The following MROH2B variants were observed in gnomAD, a reference collection of about 807,000 sequenced individuals.
The protein encoded by MROH2B is maestro heat like repeat family member 2B.
MROH2B carries 177 observed loss-of-function variants against 208.6 expected under a neutral mutation model. The observed-to-expected ratio is 0.85, with a 90% confidence interval of 0.75 to 0.96. The LOEUF (loss-of-function observed/expected upper bound fraction) is 0.96. Ranked by LOEUF, MROH2B falls within the 40% of genes least tolerant of loss-of-function variation. The probability of loss-of-function intolerance (pLI) is 0.00; values close to 1 mark genes in which losing one functional copy is unlikely to be tolerated. For synonymous variants in MROH2B, 728 were observed against 659.0 expected, an observed-to-expected ratio of 1.10 and a Z score of -1.60; for missense variants, 2,002 against 1,878.7, an observed-to-expected ratio of 1.07 and a Z score of -1.21.
chr5:41,010,123 C>T (rs781739608), intron 30 of MROH2B, 44 bp from the exon 31 acceptor site: 15 of 1,597,856 alleles, frequency 9.4e-6, no homozygotes, highest in Non-Finnish European at 1.3e-5. Flanking sequence ...TGCCATTTTC[C>T]CTCTATGTGA....
chr5:41,067,122 T>C lies in MROH2B; in HGVS notation c.187A>G (p.Met63Val). The C allele has an allele frequency of 6.4e-7, 1 of 1,550,396 alleles. No individual in the cohort carries two copies. Among genetic ancestry groups the C allele is most frequent in the Non-Finnish European group, 8.7e-7 (1 of 1,144,902 alleles). ...QRLIYYASKD[M>V]RDNNMLREIR... ...ACCAAACTTACATTGTTGTCTCTCA[T>C]ATCCTTAGAAGCATAATAAATCAAT... The change falls in exon 3 of 42, where the codon ATG becomes GTG. Residue 63 changes from methionine (M) to valine (V), a missense_variant. By Grantham distance (21) the Met-to-Val change is conservative. Coordinates refer to ENST00000399564, the MANE Select transcript of MROH2B (RefSeq NM_173489.5).
At chr5:41,001,763 G>T (rs1301877746) in intron 37 of MROH2B, among the ~76,000 whole-genome samples, 1 of 152,004 alleles carries the variant, frequency 6.6e-6, no homozygotes, top group Non-Finnish European at 1.5e-5. Context: ...GGTGGTGGTG[G>T]AGGAAGATGG....
At position 41,018,959 on chromosome 5, in the gene MROH2B, C is replaced by T. The variant is rs199943039; in HGVS notation, c.2501G>A (p.Arg834Gln). 1.6e-5 allele frequency: 26 copies of T among 1,613,636 alleles called. No homozygotes were observed. Among genetic ancestry groups the T allele is most frequent in the East Asian group, 4.5e-5 (2 of 44,894 alleles). The change falls in exon 25 of 42, where the codon CGG becomes CAG. Residue 834 changes from arginine (R) to glutamine (Q), a missense_variant. By Grantham distance (43) the Arg-to-Gln change is conservative. Transcript: ENST00000399564. ...CAGAGGTGGAAGGGGCAGCAGCCTC[C>T]GAATATTCTCCTCAAGAATGTTAAG... is the stretch of plus-strand genomic sequence containing the variant. ...DHLNILEENI[R>Q]RLLPLPPLEN...
chr5:41,045,330 A>G (rs1743082618), intron 18 of MROH2B, among the ~76,000 whole-genome samples: 2 of 152,048 alleles, frequency 1.3e-5, no homozygotes, highest in Non-Finnish European at 2.9e-5. Flanking sequence ...GTACTCTTTT[A>G]GCTATAAGCT....
chr5:41,030,920 AC>A (rs1742547888), intron 24 of MROH2B, among the ~76,000 whole-genome samples: 2 of 152,182 alleles, frequency 1.3e-5, no homozygotes. Flanking sequence ...TTAAACATTA[AC>A]AAAAACTAAA....
chr5:40,998,243 T>A, intron 41 of MROH2B, 85 bp from the exon 42 acceptor site: 2 of 1,086,090 alleles, frequency 1.8e-6, no homozygotes, highest in Non-Finnish European at 2.8e-6. Context: ...CCCAACTTTT[T>A]AGCACTGAGG....
At chr5:41,045,085 T>C (rs1488874904) in intron 18 of MROH2B, among the ~76,000 whole-genome samples, 2 of 152,152 alleles carry the variant, frequency 1.3e-5, no homozygotes, top group African/African-American at 4.8e-5. Flanking sequence ...TTGGAATGGA[T>C]GGCTACAAGG....
rs1743184777 is a variant in MROH2B, at chr5:41,048,323, C to A, written c.1684+1G>T. 1.2e-6 allele frequency: 2 copies of A among 1,611,238 alleles called. No individual in the cohort carries two copies. The highest frequency in any genetic ancestry group is 3.4e-5 in the Admixed American group (2 of 59,568). On this transcript the variant is annotated splice_donor_variant, in intron 16 of 41. Coordinates refer to ENST00000399564, the MANE Select transcript of MROH2B (RefSeq NM_173489.5). LOFTEE classifies it high-confidence loss of function. The stretch of plus-strand genomic sequence containing the variant: ...AAAGACCTGGCCCCAATCCCTTGTA[C>A]CTTCCAGAGGCTGCAGAAGCTCAGG...
At chr5:41,033,203 C>T (rs770561021) in intron 22 of MROH2B, 43 bp from the exon 23 acceptor site, 2 of 1,604,954 alleles carry the variant, frequency 1.2e-6, no homozygotes, top group East Asian at 4.5e-5. Flanking sequence ...GTCTAAGACA[C>T]CACACTCAGG....
At chr5:41,048,564 G>A (rs937446857) in intron 15 of MROH2B, 99 bp from the exon 16 acceptor site, 7 of 1,274,196 alleles carry the variant, frequency 5.5e-6, no homozygotes, top group African/African-American at 3.0e-5. Context: ...TTTGATTTCT[G>A]CATTGGATAA....
At chr5:41,067,851 G>A (rs1743860768) in intron 2 of MROH2B, among the ~76,000 whole-genome samples, 1 of 152,190 alleles carries the variant, frequency 6.6e-6, no homozygotes, top group African/African-American at 2.4e-5. Flanking sequence ...TCAGGGGAAT[G>A]GAAATGCCTG....
rs374924519 is a variant in MROH2B at position 41,012,669 on chromosome 5, C to A, written c.3049G>T (p.Glu1017Ter). 1.2e-6 allele frequency: 2 copies of A among 1,613,780 alleles called. No individual in the cohort carries two copies. The highest frequency in any genetic ancestry group is 3.3e-5 in the Admixed American group (2 of 59,988). Residue 1017 changes from glutamate (E) to a stop codon, truncating the protein, a stop_gained, in exon 30 of 42, where the codon GAG becomes TAG. Coordinates refer to ENST00000399564, the MANE Select transcript of MROH2B (RefSeq NM_173489.5). LOFTEE classifies it high-confidence loss of function. Reference protein sequence around the residue: ...MFLEEMLDGLESLNPTCTKAC... With the variant: ...MFLEEMLDGL Reference sequence around the variant, plus strand: ...TTTGTACAAGTGGGGTTGAGGCTCTCCAGACCGTCCAGCATTTCCTCTAGG... The same window carrying A: ...TTTGTACAAGTGGGGTTGAGGCTCTACAGACCGTCCAGCATTTCCTCTAGG...
intron 22 of MROH2B, 79 bp downstream of exon 22, chr5:41,033,759 C>T: frequency 8.6e-7 from 1 of 1,165,712 alleles, no homozygotes; most frequent in Non-Finnish European, 1.2e-6. Flanking sequence ...GACATCTTTG[C>T]TTGGCACACT....
At position 41,038,897 on chromosome 5, in the gene MROH2B, C is replaced by G. The variant is rs369116886; in HGVS notation, c.2062-9G>C. On this transcript the variant is annotated splice_polypyrimidine_tract_variant and intron_variant, in intron 20 of 41. Transcript: ENST00000399564. ...TTCCCAGAAAAAAGGCTCTGAAGAC[C>G]AGGAAAGGGAGACATGAAAAATGTG... 5.0e-6 allele frequency: 8 copies of G among 1,592,534 alleles called. No homozygotes were observed. In the African/African-American group the frequency reaches 8.1e-5, roughly 16 times the overall value.
At chr5:40,999,574 T>C in intron 40 of MROH2B, 103 bp downstream of exon 40, 1 of 831,472 alleles carries the variant, frequency 1.2e-6, no homozygotes, top group Non-Finnish European at 1.8e-6. Flanking sequence ...ATAAAAAAGT[T>C]ATACCAGTCC....
Position 41,050,992 on chromosome 5 carries a change from GA to G in MROH2B, c.1328del (p.Val443AlafsTer13). 6.4e-7 allele frequency: 1 copy of G among 1,574,380 alleles called. No individual in the cohort carries two copies. The highest frequency in any genetic ancestry group is 1.9e-5 in the Admixed American group (1 of 52,500). ...GACCACTTACCTGAGGCATTCCAATGACCAGTGGGTCCAGGGTTTTTAAGAC... is the reference window on the plus strand; with the variant it reads ...GACCACTTACCTGAGGCATTCCAATGCCAGTGGGTCCAGGGTTTTTAAGAC... ...LEVLKTLDPL[V>X]IGMPQVLWPR... is the part of the protein sequence containing the mutation. On this transcript the variant is annotated frameshift_variant, in exon 13 of 42. Coordinates refer to ENST00000399564, the MANE Select transcript of MROH2B (RefSeq NM_173489.5). LOFTEE classifies it high-confidence loss of function.
chr5:41,067,327 C>CA, intron 2 of MROH2B, 109 bp from the exon 3 acceptor site: 1 of 628,564 alleles, frequency 1.6e-6, no homozygotes, highest in South Asian at 1.8e-5. Context: ...CTTTACTACA[C>CA]AATGGATTTC....
In MROH2B at chr5:41,000,744, T is replaced by C; in HGVS notation, c.4284A>G (p.Glu1428=). ...TGRRWKIFFA[E]EIKKSLISFL... ...ATGAAATCAGGCTCTTTTTTATTTC[T>C]TCAGCAAAAAAAATCTTCCACCTTC... is the stretch of plus-strand genomic sequence containing the variant. Residue 1428 remains glutamate, a synonymous_variant, in exon 38 of 42, where the codon GAA becomes GAG. Coordinates refer to ENST00000399564, the MANE Select transcript of MROH2B (RefSeq NM_173489.5). 6.2e-7 allele frequency: 1 copy of C among 1,611,700 alleles called. No homozygotes were observed. The highest frequency in any genetic ancestry group is 8.5e-7 in the Non-Finnish European group (1 of 1,179,042).
Position 41,057,320 on chromosome 5 carries a change from A to G in MROH2B, c.797T>C (p.Ile266Thr), listed in dbSNP as rs752597806. Reference sequence around the variant, plus strand: ...TCTTCTCAAGCTCCTTGGAAGGCCAATGTCATAAAGAACTGCTGCAGTCAG... The same window carrying G: ...TCTTCTCAAGCTCCTTGGAAGGCCAGTGTCATAAAGAACTGCTGCAGTCAG... ...QILTAAVLYD[I>T]GLPRSLRRSI... Residue 266 changes from isoleucine (I) to threonine (T), a missense_variant, in exon 8 of 42, where the codon ATT becomes ACT. Coordinates refer to ENST00000399564, the MANE Select transcript of MROH2B (RefSeq NM_173489.5). 1.9e-6 allele frequency: 3 copies of G among 1,590,206 alleles called. No homozygotes were observed. The highest frequency in any genetic ancestry group is 1.3e-5 in the African/African-American group (1 of 74,604).
Sources: allele counts gnomAD v4.1 joint callset (sites outside exome capture counted in the v4.1 genomes callset), GRCh38; gene constraint gnomAD v4.1.1; transcripts MANE v1.5; gene names NCBI Gene and HGNC (gene_info 2026-07-23, HGNC 2026-07-21).